Variants in ZCCHC17 observed in about 807,000 individuals in gnomAD.
ZCCHC17 encodes zinc finger CCHC-type containing 17.
Under a neutral mutation model 30.6 loss-of-function variants are expected in ZCCHC17, and 18 were observed. That is an observed-to-expected ratio of 0.59 (90% CI 0.41 to 0.87). ZCCHC17 has a LOEUF of 0.87. Ranked by LOEUF, ZCCHC17 falls within the 40% of genes least tolerant of loss-of-function variation. The probability of loss-of-function intolerance (pLI) is 0.00; values close to 1 mark genes in which losing one functional copy is unlikely to be tolerated. For missense variants in ZCCHC17, 263 were observed against 284.2 expected, an observed-to-expected ratio of 0.93 and a Z score of 0.54; for synonymous variants, 88 against 92.4, an observed-to-expected ratio of 0.95 and a Z score of 0.27.
intron 1 of ZCCHC17, among the ~76,000 whole-genome samples, chr1:31,303,188 G>A (rs1168268521): frequency 3.9e-5 from 6 of 152,102 alleles, no homozygotes; most frequent in South Asian, 4.2e-4. Flanking sequence ...AGGCTGAGGC[G>A]GGAGGATAGC....
intron 3 of ZCCHC17, among the ~76,000 whole-genome samples, chr1:31,333,540 A>C (rs933069030): frequency 3.9e-5 from 6 of 152,064 alleles, no homozygotes; most frequent in Non-Finnish European, 7.4e-5. Flanking sequence ...TAAAAAATAA[A>C]ATACATATGT....
chr1:31,324,133 G>GA (rs1278595440), intron 3 of ZCCHC17, among the ~76,000 whole-genome samples: 1 of 152,072 alleles, frequency 6.6e-6, no homozygotes, highest in Middle Eastern at 3.2e-3. Flanking sequence ...AAAGTGAGAG[G>GA]AAAAGAAAGT....
At chr1:31,318,224 G>T in intron 2 of ZCCHC17, 2 of 1,534,584 alleles carry the variant, frequency 1.3e-6, no homozygotes, top group African/African-American at 2.7e-5. Context: ...ACACTGAAAA[G>T]AATAAAGTTT....
At chr1:31,301,931 A>C (rs1646321661) in intron 1 of ZCCHC17, among the ~76,000 whole-genome samples, 1 of 152,148 alleles carries the variant, frequency 6.6e-6, no homozygotes, top group Non-Finnish European at 1.5e-5. Context: ...CCAGTTTGAC[A>C]TTTGAAAGTG....
chr1:31,343,016 G>A (rs987653748), intron 5 of ZCCHC17, among the ~76,000 whole-genome samples: 7 of 152,192 alleles, frequency 4.6e-5, no homozygotes, highest in African/African-American at 1.4e-4. Context: ...TGGAAGGCTT[G>A]AAAGATAATT....
At chr1:31,300,442 G>A (rs940676164) in intron 1 of ZCCHC17, among the ~76,000 whole-genome samples, 4 of 152,198 alleles carry the variant, frequency 2.6e-5, no homozygotes, top group Admixed American at 6.5e-5. Flanking sequence ...TGGAAGTTCC[G>A]CCAAAGTCTG....
In ZCCHC17 at chr1:31,302,821, A is replaced by G. The variant is rs958408782; in HGVS notation, c.-56+5746A>G. Among the ~76,000 whole-genome samples the G allele has an allele frequency of 3.9e-5, 6 of 152,174 alleles. No individual in the cohort carries two copies. The East Asian group carries it at 1.2e-3, about 29-fold the overall frequency. On this transcript the variant is annotated intron_variant, in intron 1 of 7. Coordinates refer to ENST00000344147, the MANE Select transcript of ZCCHC17 (RefSeq NM_016505.4). ...CATCAGATCTCGTGAAAACTCTGTC[A>G]CTATCATGAGAACAGACTGTGGGAA... is the stretch of plus-strand genomic sequence containing the variant.
intron 1 of ZCCHC17, 187 bp downstream of exon 1, chr1:31,297,262 GT>G (rs1254941174): frequency 2.5e-6 from 1 of 398,552 alleles, no homozygotes. Flanking sequence ...GAGCCTTGGG[GT>G]CTCTGGCGGC....
chr1:31,363,229 G>T (rs1438768775), intron 7 of ZCCHC17, among the ~76,000 whole-genome samples: 2 of 150,274 alleles, frequency 1.3e-5, no homozygotes, highest in Non-Finnish European at 3.0e-5. Context: ...TGTCGCCAAG[G>T]CTGGAGTGCA....
rs1378092173 is a variant in ZCCHC17, at chr1:31,364,135, G to A, written c.668G>A (p.Ser223Asn). The change falls in exon 8 of 8, where the codon AGC (serine) becomes AAC (asparagine). Residue 223 changes from serine (S) to asparagine (N), a missense_variant. Transcript: ENST00000344147. ...AGGGCAAGGCACACATCAAAAGACAGCAAGGCAGCAAAGAAGAAGAAAAAG... is the reference window on the plus strand; with the variant it reads ...AGGGCAAGGCACACATCAAAAGACAACAAGGCAGCAAAGAAGAAGAAAAAG... The part of the protein sequence containing the change: ...GKRARHTSKD[S>N]KAAKKKKKKK... 5 of 1,613,796 alleles carry A rather than the reference G, an allele frequency of 3.1e-6. No homozygotes were observed. Among genetic ancestry groups the A allele is most frequent in the Non-Finnish European group, 4.2e-6 (5 of 1,179,916 alleles).
chr1:31,302,160 G>C (rs1285796501), intron 1 of ZCCHC17, among the ~76,000 whole-genome samples: 1 of 152,152 alleles, frequency 6.6e-6, no homozygotes, highest in African/African-American at 2.4e-5. Flanking sequence ...CCCGGGAAGT[G>C]GAGGTTGCAG....
At chr1:31,350,766 A>C (rs1276112859) in intron 7 of ZCCHC17, among the ~76,000 whole-genome samples, 1 of 151,958 alleles carries the variant, frequency 6.6e-6, no homozygotes, top group African/African-American at 2.4e-5. Context: ...TGCCCGGCTA[A>C]TTTTTGTATT....
intron 1 of ZCCHC17, among the ~76,000 whole-genome samples, chr1:31,300,929 G>C (rs1646295805): frequency 6.8e-6 from 1 of 146,284 alleles, no homozygotes; most frequent in Admixed American, 6.9e-5. Flanking sequence ...ACAAAACTCT[G>C]TCTCAAAAAA....
intron 1 of ZCCHC17, among the ~76,000 whole-genome samples, chr1:31,300,066 T>C (rs1224489126): frequency 1.3e-5 from 2 of 152,162 alleles, no homozygotes; most frequent in African/African-American, 2.4e-5. Flanking sequence ...GCTACTACTT[T>C]TGTTTGTTTG....
chr1:31,357,337 G>A (rs1416979241), intron 7 of ZCCHC17, among the ~76,000 whole-genome samples: 1 of 152,168 alleles, frequency 6.6e-6, no homozygotes, highest in Non-Finnish European at 1.5e-5. Context: ...TGCCTACTCA[G>A]AAGCCTTCAG....
chr1:31,349,858 T>C (rs1359814976), intron 7 of ZCCHC17, among the ~76,000 whole-genome samples: 2 of 152,228 alleles, frequency 1.3e-5, no homozygotes, highest in African/African-American at 4.8e-5. Context: ...ACTGGATATT[T>C]TTTATTACTT....
At chr1:31,362,029 C>T (rs560563906) in intron 7 of ZCCHC17, among the ~76,000 whole-genome samples, 20 of 152,132 alleles carry the variant, frequency 1.3e-4, no homozygotes, top group Non-Finnish European at 2.9e-4. Flanking sequence ...CCAGGATGGT[C>T]TCGATCTCCT....
At chr1:31,354,563 C>T (rs1160391790) in intron 7 of ZCCHC17, among the ~76,000 whole-genome samples, 1 of 152,108 alleles carries the variant, frequency 6.6e-6, no homozygotes, top group Non-Finnish European at 1.5e-5. Flanking sequence ...TATTCTTTCT[C>T]TTTTAACCTT....
intron 3 of ZCCHC17, 39 bp downstream of exon 3, chr1:31,319,205 A>G (rs1646804576): frequency 6.4e-7 from 1 of 1,554,966 alleles, no homozygotes; most frequent in East Asian, 2.2e-5. Flanking sequence ...CTCTGATTCT[A>G]CTCTCTGCTA....
Sources: allele counts gnomAD v4.1 joint callset (sites outside exome capture counted in the v4.1 genomes callset), GRCh38; gene constraint gnomAD v4.1.1; transcripts MANE v1.5; gene names NCBI Gene and HGNC (gene_info 2026-07-23, HGNC 2026-07-21).